HIVEP2: variants seen among roughly 807,000 people sequenced by gnomAD.
HIVEP2 encodes the protein transcription factor HIVEP2.
A neutral mutation model predicts 180.7 loss-of-function variants in HIVEP2; 14 were observed. The observed-to-expected ratio is 0.08, with a 90% CI of 0.05 to 0.12. The LOEUF (loss-of-function observed/expected upper bound fraction) is 0.12. Ranked by LOEUF, HIVEP2 falls within the 10% of genes least tolerant of loss-of-function variation. The pLI is 1.00. For synonymous variants in HIVEP2, 1,184 were observed against 1,136.4 expected (o/e 1.04, Z -0.84); for missense variants, 2,579 against 3,008.5 (o/e 0.86, Z 3.34).
intron 1 of HIVEP2, among the ~76,000 whole-genome samples, chr6:142,862,790 ATATAATATAT>A (rs1354061252): frequency 7.4e-6 from 1 of 134,474 alleles, no homozygotes; most frequent in Non-Finnish European, 1.5e-5. Context: ...ATTATATTAC[ATATAATATAT>A]TTAGATATCA....
intron 9 of HIVEP2, among the ~76,000 whole-genome samples, chr6:142,756,797 T>C (rs1485238683): frequency 6.7e-6 from 1 of 149,910 alleles, no homozygotes; most frequent in Non-Finnish European, 1.5e-5. Context: ...AAAAGATACC[T>C]TATCTATCTA....
At chr6:142,919,864 A>G (rs769956822) in intron 1 of HIVEP2, among the ~76,000 whole-genome samples, 2 of 152,246 alleles carry the variant, frequency 1.3e-5, no homozygotes, top group African/African-American at 2.4e-5. Context: ...AGCAAACTCT[A>G]CATTGGTCAC....
At chr6:142,804,137 T>C (rs1776485969) in intron 2 of HIVEP2, among the ~76,000 whole-genome samples, 1 of 152,200 alleles carries the variant, frequency 6.6e-6, no homozygotes, top group Non-Finnish European at 1.5e-5. Context: ...GTATAAATTT[T>C]AATTGGAAAA....
intron 2 of HIVEP2, among the ~76,000 whole-genome samples, chr6:142,789,677 C>G (rs1776091548): frequency 6.6e-6 from 1 of 152,154 alleles, no homozygotes; most frequent in Non-Finnish European, 1.5e-5. Flanking sequence ...ACTGTCAAGT[C>G]AATTATTTTC....
At chr6:142,897,564 T>C (rs1435222214) in intron 1 of HIVEP2, among the ~76,000 whole-genome samples, 1 of 152,160 alleles carries the variant, frequency 6.6e-6, no homozygotes, top group Admixed American at 6.5e-5. Flanking sequence ...CTCACTGACA[T>C]ACCATGGAGT....
intron 1 of HIVEP2, among the ~76,000 whole-genome samples, chr6:142,870,566 C>A (rs866203765): frequency 2.6e-5 from 4 of 152,178 alleles, no homozygotes; most frequent in African/African-American, 9.7e-5. Context: ...ATAGAATCCA[C>A]AACAGTCTGA....
intron 1 of HIVEP2, among the ~76,000 whole-genome samples, chr6:142,912,572 C>T (rs779138858): frequency 6.6e-6 from 1 of 152,206 alleles, no homozygotes; most frequent in Non-Finnish European, 1.5e-5. Context: ...TTTTAGGAAC[C>T]GCGTCGCACA....
At chr6:142,921,292 A>G (rs1345884916) in intron 1 of HIVEP2, among the ~76,000 whole-genome samples, 1 of 152,256 alleles carries the variant, frequency 6.6e-6, no homozygotes, top group Non-Finnish European at 1.5e-5. Flanking sequence ...CTGCAATCCC[A>G]GCACTTTGGG....
At chr6:142,929,510 C>T (rs1777892885) in intron 1 of HIVEP2, among the ~76,000 whole-genome samples, 1 of 152,082 alleles carries the variant, frequency 6.6e-6, no homozygotes, top group Non-Finnish European at 1.5e-5. Flanking sequence ...TTCAAATGCA[C>T]CTCTTTTACA....
chr6:142,834,821 T>TA (rs1277326495), intron 2 of HIVEP2, among the ~76,000 whole-genome samples: 2 of 151,876 alleles, frequency 1.3e-5, no homozygotes, highest in Non-Finnish European at 2.9e-5. Flanking sequence ...TTATTATTTG[T>TA]AAAAAAAGTT....
intron 2 of HIVEP2, among the ~76,000 whole-genome samples, chr6:142,790,881 T>C (rs1019184430): frequency 1.3e-5 from 2 of 152,286 alleles, no homozygotes; most frequent in African/African-American, 4.8e-5. Context: ...GCATCCCACA[T>C]TTCATGCTAC....
intron 2 of HIVEP2, among the ~76,000 whole-genome samples, chr6:142,785,819 A>C (rs960507658): frequency 6.6e-6 from 1 of 152,234 alleles, no homozygotes; most frequent in Admixed American, 6.5e-5. Flanking sequence ...TGCATCACTC[A>C]TGACCTTTTA....
chr6:142,793,667 CTTTCTT>C (rs1562521385), intron 2 of HIVEP2, among the ~76,000 whole-genome samples: 1 of 118,358 alleles, frequency 8.4e-6, no homozygotes, highest in Non-Finnish European at 1.7e-5. Flanking sequence ...TTTTTTCTTT[CTTTCTT>C]TCTCTCTCTC....
At chr6:142,847,999 T>C (rs1775560019) in intron 1 of HIVEP2, among the ~76,000 whole-genome samples, 1 of 152,232 alleles carries the variant, frequency 6.6e-6, no homozygotes, top group Admixed American at 6.5e-5. Flanking sequence ...ATCCTAAATA[T>C]AGGACTGTCA....
At chr6:142,876,405 G>T (rs1034232908) in intron 1 of HIVEP2, among the ~76,000 whole-genome samples, 27 of 152,100 alleles carry the variant, frequency 1.8e-4, no homozygotes, top group African/African-American at 6.3e-4. Flanking sequence ...CTTTGAGCAG[G>T]AAAGAGGGGT....
chr6:142,871,877 C>T (rs1776297491), intron 1 of HIVEP2, among the ~76,000 whole-genome samples: 1 of 152,172 alleles, frequency 6.6e-6, no homozygotes, highest in South Asian at 2.1e-4. Context: ...ACCCTAAATT[C>T]AGCTGAAATG....
Position 142,770,505 on chromosome 6 carries a change from T to C in HIVEP2, c.4234A>G (p.Thr1412Ala). ...GAGGATTCTAAGCCGAGGGGCAAAG[T>C]CTGAGGTGCTTTCCAAATGGGGTAC... ...EKYPIWKAPQ[T>A]LPLGLESSIP... The change falls in exon 5 of 10, where the codon ACT (threonine) becomes GCT (alanine). Residue 1412 changes from threonine (T) to alanine (A), a missense_variant. Physicochemically the swap from Thr to Ala is moderately conservative, Grantham distance 58 (BLOSUM62 0). Coordinates refer to ENST00000367603, the MANE Select transcript of HIVEP2 (RefSeq NM_006734.4). This position sits in a 1 kb window ranked among gnomAD's most constrained non-coding sequence, Gnocchi z 4.7. 3.1e-6 allele frequency: 5 copies of C among 1,614,136 alleles called. No individual in the cohort carries two copies. Among genetic ancestry groups the C allele is most frequent in the Non-Finnish European group, 4.2e-6 (5 of 1,180,020 alleles).
At chr6:142,835,578 T>C (rs953938866) in intron 2 of HIVEP2, among the ~76,000 whole-genome samples, 4 of 152,226 alleles carry the variant, frequency 2.6e-5, no homozygotes, top group Non-Finnish European at 4.4e-5. Context: ...TTTAAATATA[T>C]GTCTTCCTAA....
chr6:142,773,356 G>A lies in HIVEP2; in HGVS notation c.1383C>T (p.His461=), dbSNP rs753443135. ...TCTTGACATCTAACCTGGTGTTAACGTGAGGTAATGGTTCCATTATGCCCT... is the reference window on the plus strand; with the variant it reads ...TCTTGACATCTAACCTGGTGTTAACATGAGGTAATGGTTCCATTATGCCCT... ...GRKGIMEPLP[H]VNTRLDVKMF... The change falls in exon 5 of 10, where the codon CAC becomes CAT. Residue 461 remains histidine (H), a synonymous_variant. Transcript: ENST00000367603. 1.1e-5 allele frequency: 17 copies of A among 1,614,046 alleles called. No individual in the cohort carries two copies. The highest frequency in any genetic ancestry group is 3.3e-5 in the Admixed American group (2 of 59,998).
Sources: allele counts gnomAD v4.1 joint callset (sites outside exome capture counted in the v4.1 genomes callset), GRCh38; gene constraint gnomAD v4.1.1; non-coding constraint Gnocchi (gnomAD v3.1); transcripts MANE v1.5; gene names NCBI Gene and HGNC (gene_info 2026-07-23, HGNC 2026-07-21).